Variants in ABCC5 observed in about 807,000 individuals in gnomAD.
ABCC5 encodes the protein ATP-binding cassette sub-family C member 5.
ABCC5 carries 61 observed loss-of-function variants against 160.9 expected under a neutral mutation model. The observed-to-expected ratio is 0.38, with a 90% CI of 0.31 to 0.47. The LOEUF (loss-of-function observed/expected upper bound fraction) is 0.47, where lower values mean the gene tolerates loss of function less well. Ranked by LOEUF, ABCC5 falls within the 20% of genes least tolerant of loss-of-function variation. The pLI is 0.99. For synonymous variants in ABCC5, 666 were observed against 700.6 expected (o/e 0.95, Z 0.78); for missense variants, 1,308 against 1,813.3 (o/e 0.72, Z 5.06).
intron 17 of ABCC5, among the ~76,000 whole-genome samples, chr3:183,958,386 G>A (rs1306107781): frequency 1.3e-5 from 2 of 152,200 alleles, no homozygotes; most frequent in Admixed American, 6.5e-5. Context: ...AGAGTTGTGA[G>A]TAGCCAGGTT....
intron 11 of ABCC5, 58 bp downstream of exon 11, chr3:183,971,505 G>A (rs1350309133): frequency 6.7e-7 from 1 of 1,498,902 alleles, no homozygotes; most frequent in African/African-American, 1.4e-5. Flanking sequence ...GCCTATTGGT[G>A]GCAGATCAGC....
chr3:183,991,381 TG>T (rs1397538285), intron 2 of ABCC5, among the ~76,000 whole-genome samples: 42 of 151,980 alleles, frequency 2.8e-4, no homozygotes, highest in African/African-American at 8.7e-4. Flanking sequence ...AAAAGTTAAG[TG>T]GTTTAGCACC....
At chr3:183,998,379 A>G (rs1016160592) in intron 2 of ABCC5, among the ~76,000 whole-genome samples, 1 of 152,234 alleles carries the variant, frequency 6.6e-6, no homozygotes, top group Non-Finnish European at 1.5e-5. Flanking sequence ...CCTTGTGTAC[A>G]GCCAAATCTC....
chr3:183,982,309 A>G lies in ABCC5; in HGVS notation c.999+142T>C. ...AAAATTCTGTCCCTATAGAGCAAGC[A>G]CTATCGAGCTCTAGATTGAACCTGC... On this transcript the variant is annotated intron_variant, in intron 7 of 29. Coordinates refer to ENST00000334444, the MANE Select transcript of ABCC5 (RefSeq NM_005688.4). The surrounding 1 kb of genome is among the most constrained non-coding windows in gnomAD (Gnocchi z 5.2). 1 of 904,202 alleles carries G rather than the reference A, an allele frequency of 1.1e-6. No individual in the cohort carries two copies. Among genetic ancestry groups the G allele is most frequent in the Non-Finnish European group, 1.7e-6 (1 of 602,160 alleles). 56.0% of individuals were successfully genotyped at this position (904,202 alleles called of 1,614,324 possible).
rs534014292 is a variant in ABCC5 at position 183,972,731 on chromosome 3, A to G, written c.1405-812T>C. ...ACGATCTCGACTCACTGCAACCTCCACCTCCCAGGTTCAAGAGATTCTGAT... is the reference window on the plus strand; with the variant it reads ...ACGATCTCGACTCACTGCAACCTCCGCCTCCCAGGTTCAAGAGATTCTGAT... On this transcript the variant is annotated intron_variant, in intron 10 of 29. Transcript: ENST00000334444. Among the ~76,000 whole-genome samples, 5 of 151,862 alleles carry G rather than the reference A, an allele frequency of 3.3e-5. No individual in the cohort carries two copies. In the South Asian group the frequency reaches 8.3e-4, roughly 25 times the overall value.
chr3:183,989,794 G>T (rs1418576548), intron 2 of ABCC5, among the ~76,000 whole-genome samples: 1 of 151,930 alleles, frequency 6.6e-6, no homozygotes, highest in African/African-American at 2.4e-5. Context: ...TTACATTAGG[G>T]TCCGCTCTTT....
intron 16 of ABCC5, among the ~76,000 whole-genome samples, chr3:183,960,424 C>T (rs765151844): frequency 3.3e-5 from 5 of 152,202 alleles, no homozygotes; most frequent in Non-Finnish European, 7.3e-5. Flanking sequence ...TTGTCCCAAT[C>T]GCAGTCACAG....
rs190158032 is a variant in ABCC5 at position 183,928,952 on chromosome 3, C to T, written c.3855-127G>A. 164 of 676,150 alleles carry T rather than the reference C, an allele frequency of 2.4e-4. 1 individual carries two copies. The highest frequency in any genetic ancestry group is 2.2e-3 in the East Asian group (80 of 37,102). The allele number at this position is 676,150 out of a possible 1,614,324, so 41.9% of individuals were successfully genotyped here. A position where few individuals can be genotyped will look rare whatever the true frequency, so the allele number is the denominator to read the frequency against. Reference sequence around the variant, plus strand: ...GACTCCAAACCCTGATGGTCACAGACGGCTCATTCCACAACCAGACAGATG... The same window carrying T: ...GACTCCAAACCCTGATGGTCACAGATGGCTCATTCCACAACCAGACAGATG... On this transcript the variant is annotated intron_variant, in intron 26 of 29. Transcript: ENST00000334444.
In ABCC5 at chr3:183,981,813, C is replaced by T. The variant is rs1718768434; in HGVS notation, c.1061G>A (p.Arg354His). The change falls in exon 8 of 30, where the codon CGT (arginine) becomes CAT (histidine). Residue 354 changes from arginine (R) to histidine (H), a missense_variant. Coordinates refer to ENST00000334444, the MANE Select transcript of ABCC5 (RefSeq NM_005688.4). ...AAGAACTTCATTCATCTTCTGGACA[C>T]GTTCATCCGTGGCGGCCACGCATTT... ...RRKCVAATDE[R>H]VQKMNEVLTY... 6.2e-7 allele frequency: 1 copy of T among 1,611,888 alleles called. No homozygotes were observed. The highest frequency in any genetic ancestry group is 8.5e-7 in the Non-Finnish European group (1 of 1,179,420).
Position 183,951,696 on chromosome 3 carries a change from G to T in ABCC5, c.2815-126C>A, listed in dbSNP as rs761229863. On this transcript the variant is annotated intron_variant, in intron 19 of 29. Transcript: ENST00000334444. The surrounding 1 kb of genome is among the most constrained non-coding windows in gnomAD (Gnocchi z 4.7). The stretch of plus-strand genomic sequence containing the variant: ...TGTGAGGGGTCAGGAGGGACAGGTG[G>T]CAAGTGAGAAAAGGTGGAGGCTAAC... 5 of 1,476,922 alleles carry T rather than the reference G, an allele frequency of 3.4e-6. No homozygotes were observed. In the South Asian group the frequency reaches 6.3e-5, roughly 19 times the overall value. The allele number at this position is 1,476,922 out of a possible 1,614,324, so 91.5% of individuals were successfully genotyped here. A position where few individuals can be genotyped will look rare whatever the true frequency, so the allele number is the denominator to read the frequency against.
In ABCC5 at chr3:183,921,200, G is replaced by A. The variant is rs531457381; in HGVS notation, c.*100C>T. On this transcript the variant is annotated 3_prime_UTR_variant, in exon 30 of 30. Coordinates refer to ENST00000334444, the MANE Select transcript of ABCC5 (RefSeq NM_005688.4). The surrounding 1 kb of genome is among the most constrained non-coding windows in gnomAD (Gnocchi z 4.1). ...GAACTGCTGTGCGAAAGATAAAATC[G>A]AGAAAGGCAAGGTTTCGGTAGGAGG... 7.9e-6 allele frequency: 5 copies of A among 629,834 alleles called. No homozygotes were observed. The highest frequency in any genetic ancestry group is 2.8e-5 in the East Asian group (1 of 35,318). The allele number at this position is 629,834 out of a possible 1,614,324, so 39.0% of individuals were successfully genotyped here.
chr3:183,965,213 G>T lies in ABCC5; in HGVS notation c.2003C>A (p.Ala668Asp). Reference sequence around the variant, plus strand: ...CGTCAGGTCGCTGCTGGGAAGAATGGCCAGGTCAGGCCTCAGGCAGCAGCT... The same window carrying T: ...CGTCAGGTCGCTGCTGGGAAGAATGTCCAGGTCAGGCCTCAGGCAGCAGCT... ...LNSCCLRPDLAILPSSDLTEI... is the reference protein window; with the variant it reads ...LNSCCLRPDLDILPSSDLTEI... Residue 668 changes from alanine (A) to aspartate (D), a missense_variant, in exon 14 of 30, where the codon GCC (alanine) becomes GAC (aspartate). Physicochemically the swap from Ala to Asp is moderately radical, Grantham distance 126. Around this residue, in one of 3 missense-constraint regions of ABCC5, gnomAD observed 1,142 missense variants for 1,527.1 expected, o/e 0.75. Transcript: ENST00000334444. 6.2e-7 allele frequency: 1 copy of T among 1,614,196 alleles called. No individual in the cohort carries two copies. Among genetic ancestry groups the T allele is most frequent in the Non-Finnish European group, 8.5e-7 (1 of 1,180,022 alleles).
At chr3:183,956,982 C>T (rs1396106435) in intron 17 of ABCC5, among the ~76,000 whole-genome samples, 1 of 150,776 alleles carries the variant, frequency 6.6e-6, no homozygotes. Context: ...ACATGCGGAT[C>T]CGTGTGTACA....
intron 1 of ABCC5, among the ~76,000 whole-genome samples, chr3:184,015,858 A>C (rs1221005198): frequency 2.0e-5 from 3 of 152,294 alleles, no homozygotes; most frequent in East Asian, 3.9e-4. Flanking sequence ...TGTAGATCAG[A>C]GTAACCTTCT....
chr3:183,983,150 A>T, intron 5 of ABCC5, 143 bp from the exon 6 acceptor site: 1 of 707,184 alleles, frequency 1.4e-6, no homozygotes, highest in East Asian at 2.7e-5. Context: ...AGACCCAATT[A>T]TTACAAGCTG....
rs765024697 is a variant in ABCC5 at position 183,942,811 on chromosome 3, C to G, written c.3610G>C (p.Glu1204Gln). 4 of 1,614,008 alleles carry G rather than the reference C, an allele frequency of 2.5e-6. No homozygotes were observed. In the Admixed American group the frequency reaches 6.7e-5, roughly 27 times the overall value. Residue 1204 changes from glutamate to glutamine, a missense_variant, in exon 25 of 30, where the codon GAA becomes CAA. Coordinates refer to ENST00000334444, the MANE Select transcript of ABCC5 (RefSeq NM_005688.4). Reference protein sequence around the residue: ...TFENAEMRYRENLPLVLKKVS... With the variant: ...TFENAEMRYRQNLPLVLKKVS... ...TTCTTTAGGACGAGAGGGAGGTTTT[C>G]TCGGTACCTCATCTCTGCGTTCTCA...
chr3:183,952,111 C>T, intron 18 of ABCC5, 108 bp from the exon 19 acceptor site: 1 of 1,111,946 alleles, frequency 9.0e-7, no homozygotes, highest in Non-Finnish European at 1.3e-6. Context: ...GATAATGACC[C>T]ACCCTGGGAC....
chr3:183,973,571 C>CA (rs1299209514), intron 10 of ABCC5, among the ~76,000 whole-genome samples: 1 of 152,014 alleles, frequency 6.6e-6, no homozygotes, highest in African/African-American at 2.4e-5. Context: ...TCCCTCTCCC[C>CA]AAAAACAAAC....
chr3:183,921,975 G>GA lies in ABCC5; in HGVS notation c.4213-575dup, dbSNP rs1168769991. 6.6e-6 allele frequency among the ~76,000 whole-genome samples: 1 copy of GA among 151,874 alleles called. No individual in the cohort carries two copies. The highest frequency in any genetic ancestry group is 1.5e-5 in the Non-Finnish European group (1 of 68,010). On this transcript the variant is annotated intron_variant, in intron 29 of 29. Coordinates refer to ENST00000334444, the MANE Select transcript of ABCC5 (RefSeq NM_005688.4). This position sits in a 1 kb window ranked among gnomAD's most constrained non-coding sequence, Gnocchi z 4.1. ...GAACCCAGGAGGTGGAGGTTGCAGT[G>GA]AACTGAGATTGTACCACTGCATGCC...
Sources: gnomAD v4.1 joint callset for allele counts (sites outside exome capture counted in the v4.1 genomes callset) on GRCh38, gnomAD v4.1.1 for gene constraint, gnomAD v4.1.1 regional missense constraint, Gnocchi (gnomAD v3.1) non-coding constraint, MANE v1.5 for transcripts, NCBI Gene and HGNC (gene_info 2026-07-23, HGNC 2026-07-21) for gene names.